Variants in SPTB observed in about 807,000 individuals in gnomAD.
The protein encoded by SPTB is spectrin beta chain, erythrocytic.
A neutral mutation model predicts 256.2 loss-of-function variants in SPTB; 45 were observed. The observed-to-expected ratio is 0.18, with a 90% CI of 0.14 to 0.23. SPTB has a LOEUF of 0.23. Among genes scored for constraint, SPTB ranks in the 10% least tolerant of loss-of-function variants. SPTB has a pLI of 1.00. For missense variants in SPTB, 2,715 were observed against 3,040.4 expected (o/e 0.89, Z 2.52); for synonymous variants, 1,231 against 1,243.1 (o/e 0.99, Z 0.21).
rs1181735116 is a variant in SPTB, at chr14:64,790,370, C to A, written c.2804+1349G>T. On this transcript the variant is annotated intron_variant, in intron 15 of 35. Transcript: ENST00000644917. This position sits in a 1 kb window ranked among gnomAD's most constrained non-coding sequence, Gnocchi z 4.8. ...TCTCAGGAAGTTTCTCTGGTTTAGA[C>A]CTGCTCTAGTTTCCTCAATTATGCA... Among the ~76,000 whole-genome samples the A allele has an allele frequency of 6.6e-6, 1 of 152,124 alleles. No individual in the cohort carries two copies. Among genetic ancestry groups the A allele is most frequent in the Non-Finnish European group, 1.5e-5 (1 of 68,024 alleles).
In SPTB at chr14:64,796,290, C is replaced by G. The variant is rs185684809; in HGVS notation, c.1341+267G>C. ...ACCACAATTTAACATCAACTGAAAC[C>G]CCAGCTGTAGTTGACACTACAGGCC... On this transcript the variant is annotated intron_variant, in intron 11 of 35. Coordinates refer to ENST00000644917, the MANE Select transcript of SPTB (RefSeq NM_001355436.2). The surrounding 1 kb of genome is among the most constrained non-coding windows in gnomAD (Gnocchi z 4.1). Among the ~76,000 whole-genome samples, 1 of 152,128 alleles carries G rather than the reference C, an allele frequency of 6.6e-6. No individual in the cohort carries two copies. The highest frequency in any genetic ancestry group is 1.5e-5 in the Non-Finnish European group (1 of 68,018).
rs2083654014 is a variant in SPTB at position 64,844,275 on chromosome 14, G to T, written c.-51-21130C>A. On this transcript the variant is annotated intron_variant, in intron 1 of 35. Coordinates refer to ENST00000644917, the MANE Select transcript of SPTB (RefSeq NM_001355436.2). This position sits in a 1 kb window ranked among gnomAD's most constrained non-coding sequence, Gnocchi z 4.1. ...GACTGCCAGCAAATGCACGTCCTCA[G>T]TTGTGAATTATCCACCTATGTGTGA... 1.3e-5 allele frequency among the ~76,000 whole-genome samples: 2 copies of T among 152,174 alleles called. No homozygotes were observed. Among genetic ancestry groups the T allele is most frequent in the African/African-American group, 2.4e-5 (1 of 41,428 alleles).
chr14:64,879,435 C>T (rs1015156221), intron 1 of SPTB, among the ~76,000 whole-genome samples: 2 of 152,230 alleles, frequency 1.3e-5, no homozygotes, highest in African/African-American at 4.8e-5. Flanking sequence ...CCCTTCGCTC[C>T]CAGGCCGGGG....
rs1333785829 is a variant in SPTB at position 64,825,696 on chromosome 14, G to C, written c.-51-2551C>G. Among the ~76,000 whole-genome samples the C allele has an allele frequency of 6.6e-6, 1 of 152,268 alleles. No individual in the cohort carries two copies. The highest frequency in any genetic ancestry group is 2.4e-5 in the African/African-American group (1 of 41,468). ...GCTATTTTTAAGAGTGGCTGAGAGA[G>C]GCCTGGGCCGTGGGGCTGGAGAGTG... On this transcript the variant is annotated intron_variant, in intron 1 of 35. Transcript: ENST00000644917. This position sits in a 1 kb window ranked among gnomAD's most constrained non-coding sequence, Gnocchi z 4.8.
chr14:64,760,696 G>A lies in SPTB; in HGVS notation c.6345+6030C>T, dbSNP rs1399263579. On this transcript the variant is annotated intron_variant, in intron 32 of 35. Transcript: ENST00000644917. This position sits in a 1 kb window ranked among gnomAD's most constrained non-coding sequence, Gnocchi z 4.3. ...TGGAGAAAAATGAAGGGACTTAAAT[G>A]ATCACCTACTCAGTGCCAGCTGCTC... 6.6e-6 allele frequency among the ~76,000 whole-genome samples: 1 copy of A among 152,164 alleles called. No individual in the cohort carries two copies. Among genetic ancestry groups the A allele is most frequent in the African/African-American group, 2.4e-5 (1 of 41,450 alleles).
chr14:64,805,156 A>G (rs2082959267), intron 2 of SPTB, 66 bp from the exon 3 acceptor site: 4 of 1,596,016 alleles, frequency 2.5e-6, no homozygotes, highest in Non-Finnish European at 3.4e-6. Flanking sequence ...CATGGGGCCA[A>G]GGGGTTTTAC....
At chr14:64,834,312 C>T (rs1260087338) in intron 1 of SPTB, among the ~76,000 whole-genome samples, 1 of 152,082 alleles carries the variant, frequency 6.6e-6, no homozygotes, top group African/African-American at 2.4e-5. Flanking sequence ...CAGTTGTGAG[C>T]CACCGTGCCA....
At chr14:64,797,370 G>A (rs1445717023) in intron 10 of SPTB, among the ~76,000 whole-genome samples, 1 of 149,684 alleles carries the variant, frequency 6.7e-6, no homozygotes, top group Non-Finnish European at 1.5e-5. Context: ...CTGAGACTGA[G>A]GTGGGAGGAT....
chr14:64,781,449 A>C (rs571838713), intron 20 of SPTB, among the ~76,000 whole-genome samples: 1 of 152,356 alleles, frequency 6.6e-6, no homozygotes, highest in Non-Finnish European at 1.5e-5. Context: ...CATGCAGGCA[A>C]CAATATATGA....
chr14:64,792,898 A>G lies in SPTB; in HGVS notation c.2666+99T>C. ...CAAAGGACATCCCAGGGCCTCTCAAAGAGACCTTTGCTGATCCAGAGACTA... is the reference window on the plus strand; with the variant it reads ...CAAAGGACATCCCAGGGCCTCTCAAGGAGACCTTTGCTGATCCAGAGACTA... On this transcript the variant is annotated intron_variant, in intron 14 of 35. Coordinates refer to ENST00000644917, the MANE Select transcript of SPTB (RefSeq NM_001355436.2). This position sits in a 1 kb window ranked among gnomAD's most constrained non-coding sequence, Gnocchi z 4.2. 6.4e-7 allele frequency: 1 copy of G among 1,555,514 alleles called. No homozygotes were observed. The highest frequency in any genetic ancestry group is 8.8e-7 in the Non-Finnish European group (1 of 1,135,480).
At position 64,749,369 on chromosome 14, in the gene SPTB, G is replaced by A. The variant is rs1222593943; in HGVS notation, c.6924C>T (p.Pro2308=). The A allele has an allele frequency of 9.3e-6, 15 of 1,610,444 alleles. No individual in the cohort carries two copies. The highest frequency in any genetic ancestry group is 1.1e-5 in the Non-Finnish European group (13 of 1,179,718). Residue 2308 remains proline, a synonymous_variant, in exon 36 of 36, where the codon CCC becomes CCT. Transcript: ENST00000644917. This position sits in a 1 kb window ranked among gnomAD's most constrained non-coding sequence, Gnocchi z 4.7. ...TGTCTTTCTTGCCGAGGCTGGCGTC[G>A]GGGCCGGAGAGGGAAGGCAGGGGCA... ...QSLPLPSLSG[P]DASLGKKDKE...
At chr14:64,822,856 AACAC>A in intron 2 of SPTB, 87 bp downstream of exon 2, 1 of 1,577,098 alleles carries the variant, frequency 6.3e-7, no homozygotes. Flanking sequence ...GGGCTCACCC[AACAC>A]ACACAGAGGA....
Position 64,786,099 on chromosome 14 carries a change from A to G in SPTB, c.3562-148T>C. 1.1e-6 allele frequency: 1 copy of G among 871,546 alleles called. No homozygotes were observed. The highest frequency in any genetic ancestry group is 1.8e-6 in the Non-Finnish European group (1 of 545,432). The allele number at this position is 871,546 out of a possible 1,614,324, so 54.0% of individuals were successfully genotyped here. On this transcript the variant is annotated intron_variant, in intron 16 of 35. Coordinates refer to ENST00000644917, the MANE Select transcript of SPTB (RefSeq NM_001355436.2). This position sits in a 1 kb window ranked among gnomAD's most constrained non-coding sequence, Gnocchi z 5.6. ...GTACAGGGAGGAGGCACTACTCCCC[A>G]GGCCTTGCCCCCACCCCTACCCCAG...
chr14:64,801,919 G>C, intron 5 of SPTB, 85 bp from the exon 6 acceptor site: 1 of 1,312,476 alleles, frequency 7.6e-7, no homozygotes, highest in Non-Finnish European at 1.1e-6. Context: ...CAATATACCA[G>C]GAGAGAAATG....
In SPTB at chr14:64,749,550, G is replaced by A; in HGVS notation, c.6820-77C>T. The A allele has an allele frequency of 1.9e-6, 3 of 1,602,190 alleles. No homozygotes were observed. The highest frequency in any genetic ancestry group is 1.3e-5 in the African/African-American group (1 of 74,972). On this transcript the variant is annotated intron_variant, in intron 35 of 35. Coordinates refer to ENST00000644917, the MANE Select transcript of SPTB (RefSeq NM_001355436.2). The surrounding 1 kb of genome is among the most constrained non-coding windows in gnomAD (Gnocchi z 4.7). Reference sequence around the variant, plus strand: ...CCCGGGCCAGGCAACAATGGTGGGGGCTCTTGGGACTGCCCCTTCTGAGGG... The same window carrying A: ...CCCGGGCCAGGCAACAATGGTGGGGACTCTTGGGACTGCCCCTTCTGAGGG...
intron 1 of SPTB, among the ~76,000 whole-genome samples, chr14:64,858,709 C>A (rs919594154): frequency 6.6e-6 from 1 of 152,100 alleles, no homozygotes; most frequent in Non-Finnish European, 1.5e-5. Flanking sequence ...CTGGACCCTG[C>A]CTGGGAGAAG....
Position 64,847,016 on chromosome 14 carries a change from C to T in SPTB, c.-51-23871G>A, listed in dbSNP as rs1044146395. ...GCCCACTAAGCTATCAGAAGCCAGTCGCCCACCCATACTGCCTCCATCCTC... is the reference window on the plus strand; with the variant it reads ...GCCCACTAAGCTATCAGAAGCCAGTTGCCCACCCATACTGCCTCCATCCTC... On this transcript the variant is annotated intron_variant, in intron 1 of 35. Coordinates refer to ENST00000644917, the MANE Select transcript of SPTB (RefSeq NM_001355436.2). This position sits in a 1 kb window ranked among gnomAD's most constrained non-coding sequence, Gnocchi z 5.9. Among the ~76,000 whole-genome samples, 5 of 152,166 alleles carry T rather than the reference C, an allele frequency of 3.3e-5. No homozygotes were observed. Among genetic ancestry groups the T allele is most frequent in the East Asian group, 1.9e-4 (1 of 5,188 alleles).
In SPTB at chr14:64,798,933, G is replaced by A. The variant is rs117793787; in HGVS notation, c.1064+814C>T. 9.2e-4 allele frequency among the ~76,000 whole-genome samples: 140 copies of A among 152,312 alleles called. 4 individuals carry two copies. The East Asian group carries it at 0.026, about 29-fold the overall frequency. On this transcript the variant is annotated intron_variant, in intron 9 of 35. Transcript: ENST00000644917. ...TGGCAGATAAGCTGGAATGCCCCGTGTGTATGTGTGTATGTGTGCATGTTT... is the reference window on the plus strand; with the variant it reads ...TGGCAGATAAGCTGGAATGCCCCGTATGTATGTGTGTATGTGTGCATGTTT...
chr14:64,854,829 A>G (rs2083846666), intron 1 of SPTB, among the ~76,000 whole-genome samples: 1 of 152,122 alleles, frequency 6.6e-6, no homozygotes. Flanking sequence ...ACTTGGTATT[A>G]TTTCCTGGTG....
Sources: gnomAD v4.1 joint callset for allele counts (sites outside exome capture counted in the v4.1 genomes callset) on GRCh38, gnomAD v4.1.1 for gene constraint, Gnocchi (gnomAD v3.1) non-coding constraint, MANE v1.5 for transcripts, NCBI Gene and HGNC (gene_info 2026-07-23, HGNC 2026-07-21) for gene names.